Variants in DDX39A observed in about 807,000 individuals in gnomAD.
The protein encoded by DDX39A is DExD-box helicase 39A.
A neutral mutation model predicts 46.3 loss-of-function variants in DDX39A; 13 were observed. The ratio of observed to expected loss-of-function variants is 0.28; its 90% CI spans 0.18 to 0.45. DDX39A has a LOEUF of 0.45. Among genes scored for constraint, DDX39A ranks in the 20% least tolerant of loss-of-function variants. DDX39A has a pLI of 1.00. For synonymous variants in DDX39A, 234 were observed against 224.6 expected, an observed-to-expected ratio of 1.04 and a Z score of -0.38; for missense variants, 352 against 581.8, an observed-to-expected ratio of 0.61 and a Z score of 4.06.
At position 14,410,384 on chromosome 19, in the gene DDX39A, G is replaced by T; in HGVS notation, c.614-50C>A. The T allele has an allele frequency of 6.6e-7, 1 of 1,518,432 alleles. No individual in the cohort carries two copies. Among genetic ancestry groups the T allele is most frequent in the Non-Finnish European group, 9.1e-7 (1 of 1,095,042 alleles). 94.1% of individuals were successfully genotyped at this position (1,518,432 alleles called of 1,614,324 possible). A position where few individuals can be genotyped will look rare whatever the true frequency, so the allele number is the denominator to read the frequency against. On this transcript the variant is annotated intron_variant, in intron 5 of 10. Transcript: ENST00000242776. The surrounding 1 kb of genome is among the most constrained non-coding windows in gnomAD (Gnocchi z 4.3). ...GTGGGCATGAGCGTCTGCCATGCAGGACCCCCACCCCAGACCAGACCCAGA... is the reference window on the plus strand; with the variant it reads ...GTGGGCATGAGCGTCTGCCATGCAGTACCCCCACCCCAGACCAGACCCAGA...
At position 14,412,984 on chromosome 19, in the gene DDX39A, G is replaced by A. The variant is rs1195725834; in HGVS notation, c.208+29C>T. On this transcript the variant is annotated intron_variant, in intron 2 of 10. Transcript: ENST00000242776. This position sits in a 1 kb window ranked among gnomAD's most constrained non-coding sequence, Gnocchi z 4.4. The stretch of plus-strand genomic sequence containing the variant: ...CTGGTCTTGTCTTGGTGAGGACCTG[G>A]GCAAGAGGATAACACCCAGAAGGCG... The A allele has an allele frequency of 6.2e-7, 1 of 1,606,104 alleles. No homozygotes were observed. Among genetic ancestry groups the A allele is most frequent in the Non-Finnish European group, 8.5e-7 (1 of 1,175,040 alleles).
Position 14,412,619 on chromosome 19 carries a change from A to C in DDX39A, c.268T>G (p.Ser90Ala), listed in dbSNP as rs755542930. 1 of 1,610,844 alleles carries C rather than the reference A, an allele frequency of 6.2e-7. No individual in the cohort carries two copies. The highest frequency in any genetic ancestry group is 8.5e-7 in the Non-Finnish European group (1 of 1,179,988). Residue 90 changes from serine to alanine, a missense_variant, in exon 3 of 11, where the codon TCC becomes GCC. This residue lies in a region of DDX39A where 301 missense variants were observed against 469.9 expected (regional missense o/e 0.64). Coordinates refer to ENST00000242776, the MANE Select transcript of DDX39A (RefSeq NM_005804.4). This position sits in a 1 kb window ranked among gnomAD's most constrained non-coding sequence, Gnocchi z 4.4. ...AAGACCGCTGTCTTGCCCATCCCGG[A>C]CTTGGCCTGGCACAGGACGTCCATG... is the stretch of plus-strand genomic sequence containing the variant. The part of the protein sequence containing the change: ...LGMDVLCQAK[S>A]GMGKTAVFVL...
rs1599646959 is a variant in DDX39A at position 14,413,335 on chromosome 19, C to T, written c.-4-111G>A. ...TCCATGAGTGAGCCCATCAGCTCTACCTGGGCTGCACCTCGCAGCTTCGCC... is the reference window on the plus strand; with the variant it reads ...TCCATGAGTGAGCCCATCAGCTCTATCTGGGCTGCACCTCGCAGCTTCGCC... On this transcript the variant is annotated intron_variant, in intron 1 of 10. Coordinates refer to ENST00000242776, the MANE Select transcript of DDX39A (RefSeq NM_005804.4). 2.2e-5 allele frequency: 22 copies of T among 989,988 alleles called. No individual in the cohort carries two copies. In the East Asian group the frequency reaches 5.5e-4, roughly 25 times the overall value. The allele number at this position is 989,988 out of a possible 1,614,324, so 61.3% of individuals were successfully genotyped here.
chr19:14,409,595 G>C lies in DDX39A; in HGVS notation c.915C>G (p.Leu305=). Reference sequence around the variant, plus strand: ...TGGCCGGGAAGTTCTGCTCCACGAGGAGCTGGGCCAGGGCCATGCAGCGCT... The same window carrying C: ...TGGCCGGGAAGTTCTGCTCCACGAGCAGCTGGGCCAGGGCCATGCAGCGCT... ...SVQRCMALAQ[L]LVEQNFPAIA... is the part of the protein sequence containing the mutation. Residue 305 remains leucine, a synonymous_variant, in exon 8 of 11, where the codon CTC becomes CTG. Transcript: ENST00000242776. The surrounding 1 kb of genome is among the most constrained non-coding windows in gnomAD (Gnocchi z 8.3). 6.2e-7 allele frequency: 1 copy of C among 1,611,944 alleles called. No homozygotes were observed. Among genetic ancestry groups the C allele is most frequent in the South Asian group, 1.1e-5 (1 of 91,002 alleles).
chr19:14,411,061 T>A lies in DDX39A; in HGVS notation c.541A>T (p.Asn181Tyr). ...ACATTCTTTAGGCTGAAGCTCCTAT[T>A]CCGCACGAGCGCCAGGATGCGGCCC... ...TPGRILALVR[N>Y]RSFSLKNVKH... Residue 181 changes from asparagine (N) to tyrosine (Y), a missense_variant, in exon 5 of 11, where the codon AAT becomes TAT. By Grantham distance (143) the Asn-to-Tyr change is moderately radical. Around this residue, in one of 3 missense-constraint regions of DDX39A, gnomAD observed 301 missense variants for 469.9 expected, o/e 0.64. Coordinates refer to ENST00000242776, the MANE Select transcript of DDX39A (RefSeq NM_005804.4). This position sits in a 1 kb window ranked among gnomAD's most constrained non-coding sequence, Gnocchi z 4.1. 6.2e-7 allele frequency: 1 copy of A among 1,612,666 alleles called. No individual in the cohort carries two copies. Among genetic ancestry groups the A allele is most frequent in the Non-Finnish European group, 8.5e-7 (1 of 1,179,378 alleles).
In DDX39A at chr19:14,419,255, G is replaced by A; in HGVS notation, c.-5+15C>T. 3.6e-6 allele frequency: 1 copy of A among 278,494 alleles called. No individual in the cohort carries two copies. The highest frequency in any genetic ancestry group is 2.7e-5 in the South Asian group (1 of 37,126). The allele number at this position is 278,494 out of a possible 1,614,324, so 17.3% of individuals were successfully genotyped here. A position where few individuals can be genotyped will look rare whatever the true frequency, so the allele number is the denominator to read the frequency against. ...TCCCCACACCGCGGCCCCGCGCCCG[G>A]GATCCGCTGCTCACCTGGCTCCCCG... On this transcript the variant is annotated intron_variant, in intron 1 of 10. Coordinates refer to ENST00000242776, the MANE Select transcript of DDX39A (RefSeq NM_005804.4).
In DDX39A at chr19:14,410,836, A is replaced by G; in HGVS notation, c.613+153T>C. ...CATTCGGCTCGGGCTCAGAAACAGC[A>G]CATCCCTCTGCCAGCAGCAGAGCTT... On this transcript the variant is annotated intron_variant, in intron 5 of 10. Transcript: ENST00000242776. This position sits in a 1 kb window ranked among gnomAD's most constrained non-coding sequence, Gnocchi z 4.3. 1 of 724,648 alleles carries G rather than the reference A, an allele frequency of 1.4e-6. No individual in the cohort carries two copies. Among genetic ancestry groups the G allele is most frequent in the Non-Finnish European group, 2.2e-6 (1 of 464,486 alleles). The allele number at this position is 724,648 out of a possible 1,614,324, so 44.9% of individuals were successfully genotyped here.
intron 1 of DDX39A, 76 bp downstream of exon 1, chr19:14,419,194 A>C (rs1568332486): frequency 6.1e-6 from 2 of 326,832 alleles, no homozygotes; most frequent in African/African-American, 2.3e-5. Context: ...TTAGATCCCA[A>C]CGTCTCCCCT....
rs759214392 is a variant in DDX39A, at chr19:14,411,621, GGCCTT to G, written c.337-28_337-24del. Reference sequence around the variant, plus strand: ...CACCTGGGAAGTGGCATAAGAAGAGGGCCTTACCTTAGGCAGTGTCCTAAACCCCT... The same window carrying G: ...CACCTGGGAAGTGGCATAAGAAGAGGACCTTAGGCAGTGTCCTAAACCCCT... On this transcript the variant is annotated intron_variant, in intron 3 of 10. Coordinates refer to ENST00000242776, the MANE Select transcript of DDX39A (RefSeq NM_005804.4). The surrounding 1 kb of genome is among the most constrained non-coding windows in gnomAD (Gnocchi z 4.1). The G allele has an allele frequency of 4.0e-5, 60 of 1,507,072 alleles. No individual in the cohort carries two copies. Among genetic ancestry groups the G allele is most frequent in the African/African-American group, 3.5e-4 (14 of 39,640 alleles). The allele number at this position is 1,507,072 out of a possible 1,614,324, so 93.4% of individuals were successfully genotyped here. A position where few individuals can be genotyped will look rare whatever the true frequency, so the allele number is the denominator to read the frequency against.
intron 1 of DDX39A, chr19:14,415,918 CA>C (rs1234927566): frequency 1.2e-5 from 2 of 173,102 alleles, no homozygotes; most frequent in Non-Finnish European, 1.3e-5. Flanking sequence ...CTAAAAATAC[CA>C]AAAATGTGCC....
chr19:14,414,323 G>GT (rs201672917), intron 1 of DDX39A, among the ~76,000 whole-genome samples: 14 of 130,718 alleles, frequency 1.1e-4, no homozygotes, highest in African/African-American at 4.2e-4. Context: ...GCTATCACCT[G>GT]TTTTATTATT....
In DDX39A at chr19:14,410,329, G is replaced by A; in HGVS notation, c.619C>T (p.Arg207Trp). Residue 207 changes from arginine to tryptophan, a missense_variant, in exon 6 of 11, where the codon CGG (arginine) becomes TGG (tryptophan). Arg to Trp is a moderately radical substitution (Grantham distance 101). Around this residue, in one of 3 missense-constraint regions of DDX39A, gnomAD observed 301 missense variants for 469.9 expected, o/e 0.64. Coordinates refer to ENST00000242776, the MANE Select transcript of DDX39A (RefSeq NM_005804.4). This position sits in a 1 kb window ranked among gnomAD's most constrained non-coding sequence, Gnocchi z 4.3. ...CDKMLEQLDM[R>W]RDVQEIFRLT... ...CGGAAGATCTCCTGCACATCCCGCC[G>A]CATGTCTAGGTGGGGAGGGCAAGAC... 1.2e-6 allele frequency: 2 copies of A among 1,613,694 alleles called. No homozygotes were observed. The highest frequency in any genetic ancestry group is 1.7e-6 in the Non-Finnish European group (2 of 1,179,658).
At chr19:14,414,370 ATTG>A (rs1234342947) in intron 1 of DDX39A, among the ~76,000 whole-genome samples, 1 of 132,996 alleles carries the variant, frequency 7.5e-6, no homozygotes, top group Non-Finnish European at 1.6e-5. Context: ...TATTATTATT[ATTG>A]AGATGAAGTC....
intron 1 of DDX39A, 90 bp from the exon 2 acceptor site, chr19:14,413,314 T>C (rs12985089): frequency 0.047 from 56,136 of 1,203,452 alleles, 1,549 homozygotes; most frequent in Non-Finnish European, 0.054. Flanking sequence ...CCTCCTTCCA[T>C]GAGTGAGCCC....
chr19:14,411,420 G>C lies in DDX39A; in HGVS notation c.429+86C>G. 2.2e-6 allele frequency: 3 copies of C among 1,354,384 alleles called. No homozygotes were observed. Among genetic ancestry groups the C allele is most frequent in the Non-Finnish European group, 3.2e-6 (3 of 950,460 alleles). 83.9% of individuals were successfully genotyped at this position (1,354,384 alleles called of 1,614,324 possible). A position where few individuals can be genotyped will look rare whatever the true frequency, so the allele number is the denominator to read the frequency against. Reference sequence around the variant, plus strand: ...AAAGGCAGCTGCCCCTGCCAAGCTTGGTAAATGCTGGCTGGGCCAGAGCCG... The same window carrying C: ...AAAGGCAGCTGCCCCTGCCAAGCTTCGTAAATGCTGGCTGGGCCAGAGCCG... On this transcript the variant is annotated intron_variant, in intron 4 of 10. Coordinates refer to ENST00000242776, the MANE Select transcript of DDX39A (RefSeq NM_005804.4). This position sits in a 1 kb window ranked among gnomAD's most constrained non-coding sequence, Gnocchi z 4.1.
At position 14,412,272 on chromosome 19, in the gene DDX39A, G is replaced by A. The variant is rs1976622360; in HGVS notation, c.336+279C>T. ...CAGCAACGATGCCTCTGGGGCAAGG[G>A]GCAAACTGTGGGCACTTTCCAGTTA... On this transcript the variant is annotated intron_variant, in intron 3 of 10. Transcript: ENST00000242776. This position sits in a 1 kb window ranked among gnomAD's most constrained non-coding sequence, Gnocchi z 4.4. The A allele has an allele frequency of 2.6e-6, 1 of 378,674 alleles. No homozygotes were observed. The highest frequency in any genetic ancestry group is 4.8e-6 in the Non-Finnish European group (1 of 206,270). The allele number at this position is 378,674 out of a possible 1,614,324, so 23.5% of individuals were successfully genotyped here. A position where few individuals can be genotyped will look rare whatever the true frequency, so the allele number is the denominator to read the frequency against.
chr19:14,409,833 A>G lies in DDX39A; in HGVS notation c.773T>C (p.Leu258Pro). ...GACGTAGTACTGCTGCAGGCCGTGC[A>G]GCGTGAGCTTGGTCTCGTCGTCCAC... ...VFVDDETKLTLHGLQQYYVKL... is the reference protein window; with the variant it reads ...VFVDDETKLTPHGLQQYYVKL... The change falls in exon 7 of 11, where the codon CTG (leucine) becomes CCG (proline). Residue 258 changes from leucine to proline, a missense_variant. By Grantham distance (98) the Leu-to-Pro change is moderately conservative. Around this residue, in one of 3 missense-constraint regions of DDX39A, gnomAD observed 301 missense variants for 469.9 expected, o/e 0.64. Transcript: ENST00000242776. This position sits in a 1 kb window ranked among gnomAD's most constrained non-coding sequence, Gnocchi z 8.3. 1 of 1,614,152 alleles carries G rather than the reference A, an allele frequency of 6.2e-7. No individual in the cohort carries two copies. The highest frequency in any genetic ancestry group is 8.5e-7 in the Non-Finnish European group (1 of 1,180,026).
rs2146383104 is a variant in DDX39A, at chr19:14,408,841, T to C, written c.*95A>G. 1 of 1,490,474 alleles carries C rather than the reference T, an allele frequency of 6.7e-7. No individual in the cohort carries two copies. Among genetic ancestry groups the C allele is most frequent in the Middle Eastern group, 2.1e-4 (1 of 4,820 alleles). 92.3% of individuals were successfully genotyped at this position (1,490,474 alleles called of 1,614,324 possible). On this transcript the variant is annotated 3_prime_UTR_variant, in exon 11 of 11. Coordinates refer to ENST00000242776, the MANE Select transcript of DDX39A (RefSeq NM_005804.4). ...GGCTTCCATAATAACAAGTTTATTC[T>C]CATACAATCTCTAGCTTCTCAACAG... is the stretch of plus-strand genomic sequence containing the variant.
At position 14,410,861 on chromosome 19, in the gene DDX39A, T is replaced by G; in HGVS notation, c.613+128A>C. The G allele has an allele frequency of 1.1e-6, 1 of 872,256 alleles. No homozygotes were observed. The allele number at this position is 872,256 out of a possible 1,614,324, so 54.0% of individuals were successfully genotyped here. A position where few individuals can be genotyped will look rare whatever the true frequency, so the allele number is the denominator to read the frequency against. Reference sequence around the variant, plus strand: ...ACATCCCTCTGCCAGCAGCAGAGCTTTCCCCAAGATCACCACAGGAGCCCC... The same window carrying G: ...ACATCCCTCTGCCAGCAGCAGAGCTGTCCCCAAGATCACCACAGGAGCCCC... On this transcript the variant is annotated intron_variant, in intron 5 of 10. Coordinates refer to ENST00000242776, the MANE Select transcript of DDX39A (RefSeq NM_005804.4). This position sits in a 1 kb window ranked among gnomAD's most constrained non-coding sequence, Gnocchi z 4.3.
Sources: gnomAD v4.1 joint callset for allele counts (sites outside exome capture counted in the v4.1 genomes callset) on GRCh38, gnomAD v4.1.1 for gene constraint, gnomAD v4.1.1 regional missense constraint, Gnocchi (gnomAD v3.1) non-coding constraint, MANE v1.5 for transcripts, NCBI Gene and HGNC (gene_info 2026-07-23, HGNC 2026-07-21) for gene names.